GRP: variants seen among roughly 807,000 people sequenced by gnomAD.
GRP encodes the protein gastrin-releasing peptide.
A neutral mutation model predicts 12.7 loss-of-function variants in GRP; 11 were observed. The observed-to-expected ratio is 0.87, with a 90% confidence interval of 0.55 to 1.44. GRP has a LOEUF of 1.44. GRP is among the 40% of genes most tolerant of loss of function. The pLI is 0.00. For synonymous variants in GRP, 84 were observed against 77.7 expected, an observed-to-expected ratio of 1.08 and a Z score of -0.43; for missense variants, 212 against 185.4, an observed-to-expected ratio of 1.14 and a Z score of -0.83.
chr18:59,230,334 G>A (rs748243557), intron 2 of GRP, 70 bp from the exon 3 acceptor site: 67 of 885,206 alleles, frequency 7.6e-5, no homozygotes, highest in Non-Finnish European at 1.2e-4. Context: ...TGACTTGTAG[G>A]AATGGATTTA....
intron 2 of GRP, among the ~76,000 whole-genome samples, chr18:59,227,433 G>A (rs571809979): frequency 1.5e-4 from 23 of 152,182 alleles, no homozygotes; most frequent in Middle Eastern, 6.8e-3. Flanking sequence ...ATACTCTGAG[G>A]GTTCTGTGAA....
At chr18:59,225,815 T>C (rs981531476) in intron 2 of GRP, 81 bp downstream of exon 2, 2 of 1,290,584 alleles carry the variant, frequency 1.5e-6, no homozygotes, top group African/African-American at 3.0e-5. Context: ...GGAGGAAGAA[T>C]AGAATTGCTT....
chr18:59,220,140 G>C (rs1303104406), upstream of GRP: 3 of 580,636 alleles, frequency 5.2e-6, no homozygotes, highest in Non-Finnish European at 8.2e-6. Flanking sequence ...ATAAAGTAGG[G>C]GCCCTAGTGG....
chr18:59,226,299 A>G lies in GRP; in HGVS notation c.382+565A>G, dbSNP rs114988308. Among the ~76,000 whole-genome samples the G allele has an allele frequency of 8.7e-3, 1,318 of 152,326 alleles. 26 individuals carry two copies. Among genetic ancestry groups the G allele is most frequent in the African/African-American group, 0.031 (1,268 of 41,564 alleles). On this transcript the variant is annotated intron_variant, in intron 2 of 2. Coordinates refer to ENST00000256857, the MANE Select transcript of GRP (RefSeq NM_002091.5). Reference sequence around the variant, plus strand: ...TTATAGAGGATAGGGGAAAATAATTATACTAAACTGGCAATGCTTAAAGAC... The same window carrying G: ...TTATAGAGGATAGGGGAAAATAATTGTACTAAACTGGCAATGCTTAAAGAC...
chr18:59,229,791 G>C (rs1171626232), intron 2 of GRP, among the ~76,000 whole-genome samples: 2 of 152,114 alleles, frequency 1.3e-5, no homozygotes, highest in African/African-American at 4.8e-5. Flanking sequence ...TAGTTAATTT[G>C]AGCAGAAGCC....
Position 59,230,478 on chromosome 18 carries a change from C to T in GRP, c.*10C>T, listed in dbSNP as rs1465754108. 2 of 1,528,782 alleles carry T rather than the reference C, an allele frequency of 1.3e-6. No homozygotes were observed. The highest frequency in any genetic ancestry group is 1.4e-5 in the African/African-American group (1 of 73,310). The allele number at this position is 1,528,782 out of a possible 1,614,324, so 94.7% of individuals were successfully genotyped here. On this transcript the variant is annotated 3_prime_UTR_variant, in exon 3 of 3. Coordinates refer to ENST00000256857, the MANE Select transcript of GRP (RefSeq NM_002091.5). ...GCTGAACCAGCAATGATAATGATGG[C>T]CTCTCTCAAAAGAGAAAAACAAAAC...
intron 2 of GRP, among the ~76,000 whole-genome samples, chr18:59,226,184 G>T (rs550624762): frequency 8.5e-5 from 13 of 152,228 alleles, no homozygotes; most frequent in South Asian, 2.1e-4. Flanking sequence ...CTTCATATTT[G>T]TTCCAGGAGT....
chr18:59,220,955 A>G (rs1022026509), intron 1 of GRP, among the ~76,000 whole-genome samples: 2 of 152,218 alleles, frequency 1.3e-5, no homozygotes, highest in African/African-American at 2.4e-5. Flanking sequence ...ACATCTGTTC[A>G]GTGCGCAGTG....
At chr18:59,220,948 T>C (rs2069822527) in intron 1 of GRP, among the ~76,000 whole-genome samples, 1 of 152,202 alleles carries the variant, frequency 6.6e-6, no homozygotes, top group Non-Finnish European at 1.5e-5. Context: ...GGGTTTCACA[T>C]CTGTTCAGTG....
intron 1 of GRP, among the ~76,000 whole-genome samples, chr18:59,220,757 C>T (rs1260279829): frequency 6.6e-6 from 1 of 152,208 alleles, no homozygotes; most frequent in African/African-American, 2.4e-5. Flanking sequence ...CTAGTCTCAA[C>T]CTGTCTGGCA....
At chr18:59,224,450 G>A (rs1248271064) in intron 1 of GRP, among the ~76,000 whole-genome samples, 2 of 152,172 alleles carry the variant, frequency 1.3e-5, no homozygotes, top group East Asian at 1.9e-4. Context: ...TACTTCTAAT[G>A]CCAGTCAGTG....
chr18:59,229,985 C>T (rs980447699), intron 2 of GRP, among the ~76,000 whole-genome samples: 1 of 152,136 alleles, frequency 6.6e-6, no homozygotes, highest in Non-Finnish European at 1.5e-5. Flanking sequence ...ATTGAAATTC[C>T]ACATTCCCAG....
chr18:59,220,285 C>A lies in GRP; in HGVS notation c.20C>A (p.Pro7Gln), dbSNP rs754813828. The A allele has an allele frequency of 4.7e-6, 7 of 1,505,266 alleles. No individual in the cohort carries two copies. Among genetic ancestry groups the A allele is most frequent in the African/African-American group, 4.3e-5 (3 of 69,692 alleles). The allele number at this position is 1,505,266 out of a possible 1,614,324, so 93.2% of individuals were successfully genotyped here. A position where few individuals can be genotyped will look rare whatever the true frequency, so the allele number is the denominator to read the frequency against. The change falls in exon 1 of 3, where the codon CCG (proline) becomes CAG (glutamine). Residue 7 changes from proline (P) to glutamine (Q), a missense_variant. Pro to Gln is a moderately conservative substitution (Grantham distance 76). Coordinates refer to ENST00000256857, the MANE Select transcript of GRP (RefSeq NM_002091.5). Reference protein sequence around the residue: MRGRELPLVLLALVLCL... With the variant: MRGRELQLVLLALVLCL... ...GGGACCATGCGCGGCCGTGAGCTCC[C>A]GCTGGTCCTGCTGGCGCTGGTCCTC...
chr18:59,227,754 C>T (rs1363289331), intron 2 of GRP, among the ~76,000 whole-genome samples: 1 of 152,186 alleles, frequency 6.6e-6, no homozygotes, highest in Non-Finnish European at 1.5e-5. Context: ...CTCTGCATAT[C>T]TTTGGAATCT....
intron 2 of GRP, among the ~76,000 whole-genome samples, chr18:59,227,526 C>T (rs1435358585): frequency 6.6e-6 from 1 of 152,098 alleles, no homozygotes; most frequent in Non-Finnish European, 1.5e-5. Flanking sequence ...GGTGGATATC[C>T]AACAGCAGTA....
chr18:59,230,287 G>A lies in GRP; in HGVS notation c.383-117G>A, dbSNP rs771757995. 328 of 700,994 alleles carry A rather than the reference G, an allele frequency of 4.7e-4. 2 individuals carry two copies. Among genetic ancestry groups the A allele is most frequent in the Non-Finnish European group, 1.0e-4 (39 of 386,754 alleles). The allele number at this position is 700,994 out of a possible 1,614,324, so 43.4% of individuals were successfully genotyped here. On this transcript the variant is annotated intron_variant, in intron 2 of 2. Coordinates refer to ENST00000256857, the MANE Select transcript of GRP (RefSeq NM_002091.5). ...TTTAGTAGGTGTTAGGCTGAACCAA[G>A]AATTTGCCTTTCTAACAAGCTCCCA...
chr18:59,220,178 C>G lies in GRP; in HGVS notation c.-88C>G, dbSNP rs1259060027. On this transcript the variant is annotated 5_prime_UTR_variant, in exon 1 of 3. Transcript: ENST00000256857. ...GCCGCAGCAGTAGCACCAGCGGCTG[C>G]GGCGGCGGAGCTCCTCCGAGGTCCG... 6 of 1,080,798 alleles carry G rather than the reference C, an allele frequency of 5.6e-6. No individual in the cohort carries two copies. Among genetic ancestry groups the G allele is most frequent in the Non-Finnish European group, 7.4e-6 (6 of 813,424 alleles). The allele number at this position is 1,080,798 out of a possible 1,614,324, so 67.0% of individuals were successfully genotyped here. A position where few individuals can be genotyped will look rare whatever the true frequency, so the allele number is the denominator to read the frequency against.
At position 59,220,385 on chromosome 18, in the gene GRP, C is replaced by A; in HGVS notation, c.120C>A (p.Arg40=). 7.1e-7 allele frequency: 1 copy of A among 1,409,470 alleles called. No homozygotes were observed. The allele number at this position is 1,409,470 out of a possible 1,614,324, so 87.3% of individuals were successfully genotyped here. A position where few individuals can be genotyped will look rare whatever the true frequency, so the allele number is the denominator to read the frequency against. Residue 40 remains arginine, a synonymous_variant, in exon 1 of 3, where the codon CGC becomes CGA. Coordinates refer to ENST00000256857, the MANE Select transcript of GRP (RefSeq NM_002091.5). ...GGTVLTKMYP[R]GNHWAVGHLM... is the part of the protein sequence containing the mutation. Reference sequence around the variant, plus strand: ...CCGTGCTGACCAAGATGTACCCGCGCGGCAACCACTGGGCGGTGGGTGAGT... The same window carrying A: ...CCGTGCTGACCAAGATGTACCCGCGAGGCAACCACTGGGCGGTGGGTGAGT...
chr18:59,225,505 G>A lies in GRP; in HGVS notation c.153G>A (p.Gly51=), dbSNP rs780275131. The A allele has an allele frequency of 3.1e-6, 5 of 1,613,018 alleles. No individual in the cohort carries two copies. The highest frequency in any genetic ancestry group is 1.1e-5 in the South Asian group (1 of 90,828). The change falls in exon 2 of 3, where the codon GGG becomes GGA. Residue 51 remains glycine (G), a synonymous_variant. Coordinates refer to ENST00000256857, the MANE Select transcript of GRP (RefSeq NM_002091.5). ...GNHWAVGHLM[G]KKSTGESSSV... ...TTGTTTTTACAGGGCACTTAATGGG[G>A]AAAAAGAGCACAGGGGAGTCTTCTT...
Sources: allele counts gnomAD v4.1 joint callset (sites outside exome capture counted in the v4.1 genomes callset), GRCh38; gene constraint gnomAD v4.1.1; transcripts MANE v1.5; gene names NCBI Gene and HGNC (gene_info 2026-07-23, HGNC 2026-07-21).